Variants in HOOK1 observed in about 807,000 individuals in gnomAD.
The protein encoded by HOOK1 is protein Hook homolog 1.
HOOK1 carries 60 observed loss-of-function variants against 112.8 expected under a neutral mutation model. The ratio of observed to expected loss-of-function variants is 0.53; its 90% CI spans 0.43 to 0.66. The LOEUF is 0.66. Ranked by LOEUF, HOOK1 falls within the 30% of genes least tolerant of loss-of-function variation. HOOK1 has a pLI of 0.00. For synonymous variants in HOOK1, 294 were observed against 283.8 expected (o/e 1.04, Z -0.36); for missense variants, 770 against 856.0 (o/e 0.90, Z 1.25).
chr1:59,855,984 ATTTT>A (rs1167413179), intron 12 of HOOK1, among the ~76,000 whole-genome samples: 1 of 60,288 alleles, frequency 1.7e-5, no homozygotes, highest in Non-Finnish European at 2.7e-5. Flanking sequence ...ATATATATAT[ATTTT>A]TTTTTTTTTT....
rs534785864 is a variant in HOOK1 at position 59,834,633 on chromosome 1, AATTT to A, written c.407-705_407-702del. 3.2e-4 allele frequency among the ~76,000 whole-genome samples: 48 copies of A among 152,230 alleles called. 1 individual carries two copies. In the South Asian group the frequency reaches 7.4e-3, roughly 24 times the overall value. ...ATTTAATCACAAATTGACAAGTAGTAATTTATTTATAAATCTAGTAATTTTTTGT... is the reference window on the plus strand; with the variant it reads ...ATTTAATCACAAATTGACAAGTAGTAATTTATAAATCTAGTAATTTTTTGT... On this transcript the variant is annotated intron_variant, in intron 5 of 21. Coordinates refer to ENST00000371208, the MANE Select transcript of HOOK1 (RefSeq NM_015888.6).
At chr1:59,860,068 G>C (rs2098412747) in intron 14 of HOOK1, 120 bp from the exon 15 acceptor site, 1 of 627,216 alleles carries the variant, frequency 1.6e-6, no homozygotes, top group Non-Finnish European at 2.6e-6. Flanking sequence ...TATGCTAGCT[G>C]GTCCTGCTTG....
intron 20 of HOOK1, 125 bp downstream of exon 20, chr1:59,868,476 C>A: frequency 1.5e-6 from 1 of 687,710 alleles, no homozygotes. Flanking sequence ...TTTTAGCACC[C>A]AGTGTGTTTA....
rs963130708 is a variant in HOOK1 at position 59,835,342 on chromosome 1, T to C, written c.407-3T>C. 1.2e-5 allele frequency: 18 copies of C among 1,541,832 alleles called. No homozygotes were observed. Among genetic ancestry groups the C allele is most frequent in the Non-Finnish European group, 1.5e-5 (17 of 1,117,104 alleles). ...TTTCAGATTTGATTTTTTTAAATCA[T>C]AGAACATATTCAAAATATAATGACA... is the stretch of plus-strand genomic sequence containing the variant. On this transcript the variant is annotated splice_region_variant and splice_polypyrimidine_tract_variant and intron_variant, in intron 5 of 21. Coordinates refer to ENST00000371208, the MANE Select transcript of HOOK1 (RefSeq NM_015888.6).
chr1:59,823,045 G>T (rs1341091499), intron 2 of HOOK1, among the ~76,000 whole-genome samples: 2 of 152,212 alleles, frequency 1.3e-5, no homozygotes, highest in Non-Finnish European at 2.9e-5. Context: ...GATTGGCCGG[G>T]TGCGGTGGCT....
rs201985956 is a variant in HOOK1, at chr1:59,837,133, G to C, written c.537+198G>C. 6.6e-5 allele frequency among the ~76,000 whole-genome samples: 10 copies of C among 152,194 alleles called. No homozygotes were observed. In the East Asian group the frequency reaches 1.9e-3, roughly 29 times the overall value. ...TTTTTGTGATCATGTTGAAAGAGTT[G>C]AGTGGCATTGAACATTCCTTCTGAC... is the stretch of plus-strand genomic sequence containing the variant. On this transcript the variant is annotated intron_variant, in intron 7 of 21. Coordinates refer to ENST00000371208, the MANE Select transcript of HOOK1 (RefSeq NM_015888.6).
At chr1:59,847,494 A>G (rs1327525370) in intron 10 of HOOK1, among the ~76,000 whole-genome samples, 5 of 151,638 alleles carry the variant, frequency 3.3e-5, no homozygotes, top group African/African-American at 4.8e-5. Context: ...TGTACCTGTC[A>G]TATTTTGTGA....
At chr1:59,854,048 T>A (rs1209666363) in intron 12 of HOOK1, among the ~76,000 whole-genome samples, 15 of 80,394 alleles carry the variant, frequency 1.9e-4, no homozygotes, top group East Asian at 7.3e-4. Context: ...ATTTTTTTTT[T>A]TTTTTTTTTT....
At chr1:59,868,663 T>A (rs1299586477) in intron 20 of HOOK1, among the ~76,000 whole-genome samples, 4 of 152,216 alleles carry the variant, frequency 2.6e-5, no homozygotes, top group Non-Finnish European at 4.4e-5. Context: ...CAAATATGAT[T>A]TCATCTGGGG....
chr1:59,865,836 A>G, intron 18 of HOOK1, 36 bp from the exon 19 acceptor site: 1 of 1,016,508 alleles, frequency 9.8e-7, no homozygotes, highest in African/African-American at 1.7e-5. Flanking sequence ...GTAAATATTA[A>G]TAACTGATTA....
chr1:59,837,152 T>C (rs2098398288), intron 7 of HOOK1, among the ~76,000 whole-genome samples: 1 of 152,220 alleles, frequency 6.6e-6, no homozygotes, highest in Non-Finnish European at 1.5e-5. Context: ...TGAACATTCC[T>C]TCTGACACTT....
rs764924614 is a variant in HOOK1, at chr1:59,868,259, A to G, written c.1855A>G (p.Thr619Ala). ...TTTTTTCTTTAAACAGGTAATAAAA[A>G]CTTTGGATCCCAAGTTAAATCCAGC... ...YLEKARNVIK[T>A]LDPKLNPASA... Residue 619 changes from threonine (T) to alanine (A), a missense_variant, in exon 20 of 22, where the codon ACT (threonine) becomes GCT (alanine). Thr to Ala is a moderately conservative substitution (Grantham distance 58). Around this residue, in one of 3 missense-constraint regions of HOOK1, gnomAD observed 655 missense variants for 725.9 expected, o/e 0.90. Transcript: ENST00000371208. 6.3e-7 allele frequency: 1 copy of G among 1,593,344 alleles called. No homozygotes were observed.
At chr1:59,863,976 T>C (rs112744438) in intron 16 of HOOK1, 193 of 183,042 alleles carry the variant, frequency 1.1e-3, no homozygotes, top group African/African-American at 4.4e-3. Flanking sequence ...GTTTTAAAGA[T>C]AAATGTCTTT....
intron 1 of HOOK1, among the ~76,000 whole-genome samples, chr1:59,818,333 C>T (rs980496460): frequency 6.6e-6 from 1 of 152,132 alleles, no homozygotes; most frequent in African/African-American, 2.4e-5. Flanking sequence ...CCAACATCAA[C>T]AGAATTAGAG....
chr1:59,829,701 T>TTA (rs2098392432), intron 3 of HOOK1, among the ~76,000 whole-genome samples: 1 of 152,102 alleles, frequency 6.6e-6, no homozygotes, highest in South Asian at 2.1e-4. Context: ...TCAATTTTAC[T>TTA]TATTTATTTT....
chr1:59,846,959 T>A, intron 9 of HOOK1, 86 bp from the exon 10 acceptor site: 2 of 989,450 alleles, frequency 2.0e-6, no homozygotes, highest in Non-Finnish European at 2.9e-6. Context: ...TATATATGCA[T>A]TTGCATATAT....
In HOOK1 at chr1:59,840,586, GCTGGCTTAACTTT is replaced by G. The variant is rs547524936; in HGVS notation, c.621+198_621+210del. Among the ~76,000 whole-genome samples the G allele has an allele frequency of 3.4e-4, 52 of 152,162 alleles. 1 individual carries two copies. In the South Asian group the frequency reaches 8.5e-3, roughly 25 times the overall value. Reference sequence around the variant, plus strand: ...TATTTTTCTCTGATAGTTGAAATTTGCTGGCTTAACTTTCTTTGAGAAAATCACTCTACTAATT... The same window carrying G: ...TATTTTTCTCTGATAGTTGAAATTTGCTTTGAGAAAATCACTCTACTAATT... On this transcript the variant is annotated intron_variant, in intron 8 of 21. Transcript: ENST00000371208.
At chr1:59,828,570 G>A (rs144595394) in intron 2 of HOOK1, among the ~76,000 whole-genome samples, 76 of 152,172 alleles carry the variant, frequency 5.0e-4, no homozygotes, top group African/African-American at 1.8e-3. Context: ...AGGGCACCTA[G>A]TATTAAATAT....
At chr1:59,855,528 C>A (rs936025847) in intron 12 of HOOK1, among the ~76,000 whole-genome samples, 5 of 152,136 alleles carry the variant, frequency 3.3e-5, no homozygotes, top group African/African-American at 1.2e-4. Context: ...TTTATCCAAT[C>A]TGTCATTAAT....
Sources: allele counts gnomAD v4.1 joint callset (sites outside exome capture counted in the v4.1 genomes callset), GRCh38; gene constraint gnomAD v4.1.1; regional missense constraint gnomAD v4.1.1; transcripts MANE v1.5; gene names NCBI Gene and HGNC (gene_info 2026-07-23, HGNC 2026-07-21).